Variants in USP36 observed in about 807,000 individuals in gnomAD.
USP36 encodes ubiquitin carboxyl-terminal hydrolase 36.
In USP36, 59 loss-of-function variants were observed where a neutral mutation model predicts 111.5. The observed-to-expected ratio is 0.53, with a 90% CI of 0.43 to 0.66. USP36 has a LOEUF of 0.66. USP36 is among the 30% of genes least tolerant of loss of function. USP36 has a pLI of 0.00. For missense variants in USP36, 1,488 were observed against 1,468.0 expected, an observed-to-expected ratio of 1.01 and a Z score of -0.22; for synonymous variants, 628 against 581.0, an observed-to-expected ratio of 1.08 and a Z score of -1.16.
At chr17:78,805,460 A>G (rs2093872737) in intron 15 of USP36, among the ~76,000 whole-genome samples, 2 of 152,076 alleles carry the variant, frequency 1.3e-5, no homozygotes, top group Admixed American at 1.3e-4. Flanking sequence ...GAGATTCTAG[A>G]ACTAGAACCC....
At chr17:78,811,130 C>CAAAAAAAAAAAAAAAA (rs969048033) in intron 13 of USP36, among the ~76,000 whole-genome samples, 1 of 28,350 alleles carries the variant, frequency 3.5e-5, no homozygotes, top group Non-Finnish European at 7.5e-5. Flanking sequence ...GACTCTGTCT[C>CAAAAAAAAAAAAAAAA]AAAAAAAAAA....
chr17:78,837,356 G>C (rs753633728), intron 2 of USP36, among the ~76,000 whole-genome samples: 2 of 152,056 alleles, frequency 1.3e-5, no homozygotes, highest in Non-Finnish European at 1.5e-5. Context: ...CCAAGCAGGA[G>C]AGTGGGGAGA....
intron 4 of USP36, among the ~76,000 whole-genome samples, chr17:78,830,911 T>C (rs746737330): frequency 1.3e-5 from 2 of 151,794 alleles, no homozygotes; most frequent in Non-Finnish European, 2.9e-5. Context: ...AACTCAAAAT[T>C]AGGCAAAAAT....
At chr17:78,835,784 C>T (rs921645074) in intron 3 of USP36, among the ~76,000 whole-genome samples, 9 of 152,210 alleles carry the variant, frequency 5.9e-5, no homozygotes, top group Non-Finnish European at 1.2e-4. Flanking sequence ...CCAGGCCTGG[C>T]ACTCTGCACC....
At chr17:78,820,791 C>T (rs1390148403) in intron 8 of USP36, among the ~76,000 whole-genome samples, 200 bp downstream of exon 8, 2 of 152,116 alleles carry the variant, frequency 1.3e-5, no homozygotes, top group African/African-American at 4.8e-5. Context: ...CCATTTTTTT[C>T]TTTAAATAAA....
chr17:78,798,570 G>T lies in USP36; in HGVS notation c.3241-19C>A. Reference sequence around the variant, plus strand: ...TCTTTTCCTAGACCAAGAATCACAGGCATCACAGTTCCCAAAAACGGCTCT... The same window carrying T: ...TCTTTTCCTAGACCAAGAATCACAGTCATCACAGTTCCCAAAAACGGCTCT... On this transcript the variant is annotated intron_variant, in intron 19 of 20. Coordinates refer to ENST00000449938, the MANE Select transcript of USP36 (RefSeq NM_001385174.1). The surrounding 1 kb of genome is among the most constrained non-coding windows in gnomAD (Gnocchi z 5.1). 6.2e-7 allele frequency: 1 copy of T among 1,610,876 alleles called. No homozygotes were observed.
intron 5 of USP36, 136 bp from the exon 6 acceptor site, chr17:78,827,483 A>C: frequency 1.3e-6 from 1 of 762,552 alleles, no homozygotes. Context: ...AGTGAGGAAA[A>C]CAAGAGCTCT....
At position 78,835,429 on chromosome 17, in the gene USP36, C is replaced by G. The variant is rs148226667; in HGVS notation, c.326G>C (p.Arg109Pro). 1.9e-6 allele frequency: 3 copies of G among 1,614,214 alleles called. No homozygotes were observed. In the South Asian group the frequency reaches 3.3e-5, roughly 18 times the overall value. Residue 109 changes from arginine to proline, a missense_variant, in exon 4 of 21, where the codon CGA (arginine) becomes CCA (proline). Physicochemically the swap from Arg to Pro is moderately radical, Grantham distance 103. Around this residue, in one of 3 missense-constraint regions of USP36, gnomAD observed 219 missense variants for 209.5 expected, o/e 1.05. Coordinates refer to ENST00000449938, the MANE Select transcript of USP36 (RefSeq NM_001385174.1). Reference sequence around the variant, plus strand: ...GACCCGCTCCCACCTCAGAGACAGTCGCTCCGTGGGGAAAAGCACTTTCTG... The same window carrying G: ...GACCCGCTCCCACCTCAGAGACAGTGGCTCCGTGGGGAAAAGCACTTTCTG... ...APQKVLFPTE[R>P]LSLRWERVFR...
chr17:78,821,235 G>C, intron 7 of USP36, 174 bp from the exon 8 acceptor site: 1 of 599,582 alleles, frequency 1.7e-6, no homozygotes, highest in Non-Finnish European at 2.9e-6. Flanking sequence ...TTTCACCACT[G>C]AAGTTCACAA....
intron 13 of USP36, 136 bp downstream of exon 13, chr17:78,812,724 G>C: frequency 3.0e-6 from 1 of 336,278 alleles, no homozygotes; most frequent in Non-Finnish European, 4.9e-6. Flanking sequence ...AAAAAGAAAA[G>C]AAAAGAAATA....
At position 78,803,739 on chromosome 17, in the gene USP36, T is replaced by C; in HGVS notation, c.2456A>G (p.Glu819Gly). The change falls in exon 16 of 21, where the codon GAG becomes GGG. Residue 819 changes from glutamate to glycine, a missense_variant. Glu to Gly is a moderately conservative substitution (Grantham distance 98). Coordinates refer to ENST00000449938, the MANE Select transcript of USP36 (RefSeq NM_001385174.1). The surrounding 1 kb of genome is among the most constrained non-coding windows in gnomAD (Gnocchi z 4.6). ...CGTCTCTGAGCCCAGCCTCTGCGGC[T>C]CTCCCACAAAGGTCTTTTTCCTCTT... is the stretch of plus-strand genomic sequence containing the variant. Reference protein sequence around the residue: ...SEKRKKTFVGEPQRLGSETRL... With the variant: ...SEKRKKTFVGGPQRLGSETRL... The C allele has an allele frequency of 1.9e-6, 3 of 1,612,372 alleles. No homozygotes were observed. The highest frequency in any genetic ancestry group is 2.5e-6 in the Non-Finnish European group (3 of 1,179,916).
intron 17 of USP36, among the ~76,000 whole-genome samples, chr17:78,800,534 C>G (rs1382906770): frequency 2.6e-5 from 4 of 152,246 alleles, no homozygotes; most frequent in Admixed American, 1.3e-4. Flanking sequence ...CTCATTTCTC[C>G]CTGCCTCCAA....
chr17:78,802,254 C>T, intron 17 of USP36, 70 bp downstream of exon 17: 1 of 1,464,592 alleles, frequency 6.8e-7, no homozygotes, highest in Non-Finnish European at 9.1e-7. Flanking sequence ...CCGGTGCACA[C>T]CCATGCGGTC....
Position 78,806,209 on chromosome 17 carries a change from G to T in USP36, c.2163C>A (p.Pro721=). The part of the protein sequence containing the change: ...PPSPSSDLTH[P]MKTSHPVVAS... The stretch of plus-strand genomic sequence containing the variant: ...CAACGACGGGGTGAGAGGTTTTCAT[G>T]GGGTGGGTGAGGTCGGAGGATGGTG... The change falls in exon 15 of 21, where the codon CCC becomes CCA. Residue 721 remains proline, a synonymous_variant. Transcript: ENST00000449938. 1 of 1,613,354 alleles carries T rather than the reference G, an allele frequency of 6.2e-7. No individual in the cohort carries two copies. Among genetic ancestry groups the T allele is most frequent in the Non-Finnish European group, 8.5e-7 (1 of 1,179,878 alleles).
intron 10 of USP36, among the ~76,000 whole-genome samples, chr17:78,816,000 C>T (rs1449248194): frequency 6.6e-6 from 1 of 152,072 alleles, no homozygotes; most frequent in Non-Finnish European, 1.5e-5. Flanking sequence ...CACATATATA[C>T]ATACATGCAC....
chr17:78,806,226 A>G lies in USP36; in HGVS notation c.2146T>C (p.Ser716Pro). 1 of 1,613,704 alleles carries G rather than the reference A, an allele frequency of 6.2e-7. No individual in the cohort carries two copies. The highest frequency in any genetic ancestry group is 8.5e-7 in the Non-Finnish European group (1 of 1,179,958). Residue 716 changes from serine to proline, a missense_variant, in exon 15 of 21, where the codon TCC becomes CCC. Transcript: ENST00000449938. ...DLRPPPPSPS[S>P]DLTHPMKTSH... ...GTTTTCATGGGGTGGGTGAGGTCGG[A>G]GGATGGTGAGGGGGGAGGTGGACGG...
intron 13 of USP36, among the ~76,000 whole-genome samples, chr17:78,809,383 C>T (rs565105265): frequency 6.6e-5 from 10 of 152,324 alleles, no homozygotes; most frequent in Admixed American, 5.9e-4. Flanking sequence ...ATTCATCTTT[C>T]CACTGCACCG....
chr17:78,828,648 C>A (rs796709957), intron 5 of USP36, among the ~76,000 whole-genome samples: 2 of 152,300 alleles, frequency 1.3e-5, no homozygotes, highest in African/African-American at 4.8e-5. Context: ...CCATGACTCA[C>A]TCTTCTCTCC....
chr17:78,793,961 G>C (rs2093603417), downstream of USP36, among the ~76,000 whole-genome samples: 1 of 152,116 alleles, frequency 6.6e-6, no homozygotes, highest in Admixed American at 6.5e-5. Context: ...CTCACCACCT[G>C]AAGGCCTTCC....
Sources: allele counts gnomAD v4.1 joint callset (sites outside exome capture counted in the v4.1 genomes callset), GRCh38; gene constraint gnomAD v4.1.1; regional missense constraint gnomAD v4.1.1; non-coding constraint Gnocchi (gnomAD v3.1); transcripts MANE v1.5; gene names NCBI Gene and HGNC (gene_info 2026-07-23, HGNC 2026-07-21).